Variants in GRK3 observed in about 807,000 individuals in gnomAD.
The protein encoded by GRK3 is adrenergic, beta, receptor kinase 2.
In GRK3, 54 loss-of-function variants were observed where a neutral mutation model predicts 95.7. The ratio of observed to expected loss-of-function variants is 0.56; its 90% confidence interval spans 0.45 to 0.71. The LOEUF (loss-of-function observed/expected upper bound fraction) is 0.71, where lower values mean the gene tolerates loss of function less well. Among genes scored for constraint, GRK3 ranks in the 30% least tolerant of loss-of-function variants. The pLI, the probability that GRK3 is intolerant of heterozygous loss-of-function variation, is 0.00. For synonymous variants in GRK3, 281 were observed against 290.8 expected, an observed-to-expected ratio of 0.97 and a Z score of 0.34; for missense variants, 649 against 851.2, an observed-to-expected ratio of 0.76 and a Z score of 2.96.
At chr22:25,577,341 A>G (rs1931940508) in intron 1 of GRK3, among the ~76,000 whole-genome samples, 1 of 151,734 alleles carries the variant, frequency 6.6e-6, no homozygotes, top group South Asian at 2.1e-4. Context: ...CCTGGCTAAT[A>G]TTTTTCTACT....
At chr22:25,578,614 G>A (rs189988242) in intron 1 of GRK3, among the ~76,000 whole-genome samples, 61 of 152,222 alleles carry the variant, frequency 4.0e-4, no homozygotes, top group Admixed American at 2.9e-3. Flanking sequence ...CCAGGGAGGC[G>A]GAGAGTTGGT....
rs1324104045 is a variant in GRK3, at chr22:25,564,987, G to T, written c.-54G>T. The stretch of plus-strand genomic sequence containing the variant: ...CGCGGCGGGCGGCGGCGGCGGGCGC[G>T]CGTCCCGTCCAGGTCCGGAGTAACC... On this transcript the variant is annotated 5_prime_UTR_variant, in exon 1 of 21. Coordinates refer to ENST00000324198, the MANE Select transcript of GRK3 (RefSeq NM_005160.4). 1 of 552,202 alleles carries T rather than the reference G, an allele frequency of 1.8e-6. No homozygotes were observed. Among genetic ancestry groups the T allele is most frequent in the Non-Finnish European group, 2.4e-6 (1 of 410,394 alleles). 34.2% of individuals were successfully genotyped at this position (552,202 alleles called of 1,614,324 possible).
At chr22:25,704,233 G>C (rs772651409) in intron 15 of GRK3, 24 bp downstream of exon 15, 1 of 1,570,122 alleles carries the variant, frequency 6.4e-7, no homozygotes. Flanking sequence ...CCTGCCTTTC[G>C]GTATCTTTAC....
chr22:25,631,704 G>C (rs955570510), intron 2 of GRK3, among the ~76,000 whole-genome samples: 1 of 152,172 alleles, frequency 6.6e-6, no homozygotes, highest in African/African-American at 2.4e-5. Flanking sequence ...AGAGCAGTTA[G>C]TTACCTCTCC....
chr22:25,665,531 A>G (rs1410961157), intron 5 of GRK3, among the ~76,000 whole-genome samples: 1 of 152,240 alleles, frequency 6.6e-6, no homozygotes, highest in Non-Finnish European at 1.5e-5. Flanking sequence ...TCTTTCATAT[A>G]TCTTTTAAAA....
chr22:25,673,626 G>T (rs1483119796), intron 7 of GRK3, among the ~76,000 whole-genome samples: 1 of 152,026 alleles, frequency 6.6e-6, no homozygotes, highest in Non-Finnish European at 1.5e-5. Flanking sequence ...TCTATAGGAT[G>T]TTTTAAGGTT....
At chr22:25,684,200 T>C (rs1056252758) in intron 9 of GRK3, among the ~76,000 whole-genome samples, 1 of 152,248 alleles carries the variant, frequency 6.6e-6, no homozygotes, top group Non-Finnish European at 1.5e-5. Flanking sequence ...CCCTTTTCCA[T>C]TTCATTGGTC....
In GRK3 at chr22:25,654,396, T is replaced by C. The variant is rs149381976; in HGVS notation, c.265-7180T>C. On this transcript the variant is annotated intron_variant, in intron 3 of 20. Coordinates refer to ENST00000324198, the MANE Select transcript of GRK3 (RefSeq NM_005160.4). The stretch of plus-strand genomic sequence containing the variant: ...AATATTCTTTTCTTTCTCATTTATA[T>C]ATGAAAATATACATAAAAATATACA... 1.8e-3 allele frequency among the ~76,000 whole-genome samples: 277 copies of C among 152,316 alleles called. 1 individual carries two copies. The highest frequency in any genetic ancestry group is 6.5e-3 in the African/African-American group (270 of 41,574).
intron 2 of GRK3, among the ~76,000 whole-genome samples, chr22:25,618,386 A>C (rs1003906006): frequency 2.0e-5 from 3 of 152,178 alleles, no homozygotes; most frequent in Non-Finnish European, 4.4e-5. Flanking sequence ...TACTTTGTCT[A>C]ATATTGATTT....
At chr22:25,715,470 C>G (rs562771867) in intron 18 of GRK3, among the ~76,000 whole-genome samples, 8 of 152,022 alleles carry the variant, frequency 5.3e-5, no homozygotes, top group Admixed American at 2.6e-4. Context: ...GATTGTGCCA[C>G]TGCACTCTAG....
rs1211962914 is a variant in GRK3, at chr22:25,728,607, C to T, written c.*6157C>T. 1 of 152,154 alleles carries T rather than the reference C, an allele frequency of 6.6e-6. No homozygotes were observed. The highest frequency in any genetic ancestry group is 1.9e-4 in the East Asian group (1 of 5,192). 9.4% of individuals were successfully genotyped at this position (152,154 alleles called of 1,614,324 possible). A position where few individuals can be genotyped will look rare whatever the true frequency, so the allele number is the denominator to read the frequency against. ...TTGCCTTAAGATTTGATTATTGCAC[C>T]CAATTACCTAACCACTAAACAGAAA... is the stretch of plus-strand genomic sequence containing the variant. On this transcript the variant is annotated 3_prime_UTR_variant, in exon 21 of 21. Coordinates refer to ENST00000324198, the MANE Select transcript of GRK3 (RefSeq NM_005160.4).
At chr22:25,713,156 G>T (rs1819465439) in intron 17 of GRK3, among the ~76,000 whole-genome samples, 1 of 152,176 alleles carries the variant, frequency 6.6e-6, no homozygotes, top group South Asian at 2.1e-4. Flanking sequence ...GCCTGGGCAA[G>T]GAGCATGCTT....
At chr22:25,672,702 T>G (rs2084992792) in intron 7 of GRK3, among the ~76,000 whole-genome samples, 2 of 152,170 alleles carry the variant, frequency 1.3e-5, no homozygotes, top group South Asian at 4.1e-4. Context: ...TTTTTCTTAT[T>G]ATTAGATATA....
At chr22:25,612,940 T>TA (rs1031450774) in intron 2 of GRK3, among the ~76,000 whole-genome samples, 10 of 151,820 alleles carry the variant, frequency 6.6e-5, no homozygotes, top group African/African-American at 1.7e-4. Flanking sequence ...TGGTAATTAT[T>TA]AAAAAAAACC....
Position 25,724,115 on chromosome 22 carries a change from A to AACACACACACACACACACACACACACAC in GRK3, c.*1674_*1701dup, listed in dbSNP as rs60731107. 6 of 144,544 alleles carry AACACACACACACACACACACACACACAC rather than the reference A, an allele frequency of 4.2e-5. No individual in the cohort carries two copies. The highest frequency in any genetic ancestry group is 1.5e-4 in the African/African-American group (6 of 39,296). 9.0% of individuals were successfully genotyped at this position (144,544 alleles called of 1,614,324 possible). ...AAGAATAGTATTCAAATTCTGTTGA[A>AACACACACACACACACACACACACACAC]ACACACACACACACACACACACACA... On this transcript the variant is annotated 3_prime_UTR_variant, in exon 21 of 21. Transcript: ENST00000324198.
intron 2 of GRK3, among the ~76,000 whole-genome samples, chr22:25,616,142 T>C (rs1456435287): frequency 6.6e-6 from 1 of 152,098 alleles, no homozygotes; most frequent in African/African-American, 2.4e-5. Flanking sequence ...CTGACTCAAG[T>C]GCTCCTGGAT....
chr22:25,658,040 A>T (rs2084884681), intron 3 of GRK3, among the ~76,000 whole-genome samples: 1 of 150,924 alleles, frequency 6.6e-6, no homozygotes, highest in Non-Finnish European at 1.5e-5. Context: ...TTTCATAGTT[A>T]TTTTCTGCTG....
chr22:25,615,589 C>T (rs1033462910), intron 2 of GRK3, among the ~76,000 whole-genome samples: 5 of 150,710 alleles, frequency 3.3e-5, no homozygotes, highest in African/African-American at 1.2e-4. Context: ...TGTTGCTCAA[C>T]ATTCAGTTGT....
chr22:25,725,350 T>C lies in GRK3; in HGVS notation c.*2900T>C. On this transcript the variant is annotated 3_prime_UTR_variant, in exon 21 of 21. Transcript: ENST00000324198. ...GCGGTAATAAGTCTTGATTTCATGA[T>C]TCAAAAGAATCAATAAAGCCTAAAA... 1 of 389,702 alleles carries C rather than the reference T, an allele frequency of 2.6e-6. No homozygotes were observed. Among genetic ancestry groups the C allele is most frequent in the Non-Finnish European group, 4.5e-6 (1 of 221,202 alleles). The allele number at this position is 389,702 out of a possible 1,614,324, so 24.1% of individuals were successfully genotyped here.
Sources: gnomAD v4.1 joint callset for allele counts (sites outside exome capture counted in the v4.1 genomes callset) on GRCh38, gnomAD v4.1.1 for gene constraint, MANE v1.5 for transcripts, NCBI Gene and HGNC (gene_info 2026-07-23, HGNC 2026-07-21) for gene names.